Variants in ZDHHC14 observed in about 807,000 individuals in gnomAD.
ZDHHC14 encodes the protein zDHHC palmitoyltransferase 14.
A neutral mutation model predicts 47.7 loss-of-function variants in ZDHHC14; 16 were observed. The ratio of observed to expected loss-of-function variants is 0.34; its 90% CI spans 0.23 to 0.51. ZDHHC14 has a LOEUF of 0.51. Among genes scored for constraint, ZDHHC14 ranks in the 20% least tolerant of loss-of-function variants. The pLI, the probability that ZDHHC14 is intolerant of heterozygous loss-of-function variation, is 0.97. For missense variants in ZDHHC14, 515 were observed against 662.5 expected (o/e 0.78, Z 2.44); for synonymous variants, 293 against 278.9 (o/e 1.05, Z -0.50).
At chr6:157,575,552 G>A (rs973995778) in intron 2 of ZDHHC14, among the ~76,000 whole-genome samples, 7 of 152,026 alleles carry the variant, frequency 4.6e-5, no homozygotes, top group Non-Finnish European at 1.5e-5. Flanking sequence ...CTGGGACCAG[G>A]ACACAAGCTG....
At chr6:157,495,446 T>C (rs1277577021) in intron 1 of ZDHHC14, among the ~76,000 whole-genome samples, 2 of 152,174 alleles carry the variant, frequency 1.3e-5, no homozygotes, top group East Asian at 1.9e-4. Context: ...TCATGTATCA[T>C]GGATGCCTAT....
At chr6:157,593,438 C>A (rs1209356275) in intron 3 of ZDHHC14, among the ~76,000 whole-genome samples, 2 of 152,162 alleles carry the variant, frequency 1.3e-5, no homozygotes, top group African/African-American at 4.8e-5. Flanking sequence ...TCATGTCTCC[C>A]CCAGGCCTCT....
At chr6:157,419,466 C>T (rs1778054018) in intron 1 of ZDHHC14, among the ~76,000 whole-genome samples, 1 of 152,236 alleles carries the variant, frequency 6.6e-6, no homozygotes, top group South Asian at 2.1e-4. Context: ...CATACACCCT[C>T]CCCATCCTCT....
Position 157,512,451 on chromosome 6 carries a change from C to T in ZDHHC14, c.246-30134C>T, listed in dbSNP as rs533504834. Among the ~76,000 whole-genome samples the T allele has an allele frequency of 2.6e-5, 4 of 152,358 alleles. No homozygotes were observed. In the South Asian group the frequency reaches 8.3e-4, roughly 32 times the overall value. ...CCTTCAAAGACAGAGCCACGTTCTG[C>T]ACTGTGTTAAGCATAGTCCGTGGCT... On this transcript the variant is annotated intron_variant, in intron 1 of 8. Transcript: ENST00000359775.
chr6:157,677,814 G>A lies in ZDHHC14; in HGVS notation c.*4692G>A, dbSNP rs1778993973. ...CATGTCCAAGGAGACATGCTTTCTG[G>A]GTTCTATATGAATAGAGATGGTTTT... On this transcript the variant is annotated 3_prime_UTR_variant, in exon 9 of 9. Transcript: ENST00000359775. 1.3e-5 allele frequency: 2 copies of A among 151,034 alleles called. No homozygotes were observed. The highest frequency in any genetic ancestry group is 1.3e-4 in the Admixed American group (2 of 15,152). The allele number at this position is 151,034 out of a possible 1,614,324, so 9.4% of individuals were successfully genotyped here.
intron 3 of ZDHHC14, among the ~76,000 whole-genome samples, chr6:157,618,158 C>T (rs766938467): frequency 3.9e-5 from 6 of 152,176 alleles, no homozygotes; most frequent in Admixed American, 6.5e-5. Context: ...GTAAGGTCAA[C>T]GCTGAGGGGC....
rs181918286 is a variant in ZDHHC14 at position 157,427,395 on chromosome 6, G to A, written c.245+45129G>A. Among the ~76,000 whole-genome samples, 107 of 152,234 alleles carry A rather than the reference G, an allele frequency of 7.0e-4. No individual in the cohort carries two copies. Among genetic ancestry groups the A allele is most frequent in the African/African-American group, 2.6e-3 (106 of 41,544 alleles). ...AGAGATGCGCAGGATGCAGGGCCCC[G>A]AGGACTGGAGGGCATTTATGTTTTG... On this transcript the variant is annotated intron_variant, in intron 1 of 8. Transcript: ENST00000359775. This position sits in a 1 kb window ranked among gnomAD's most constrained non-coding sequence, Gnocchi z 4.4.
At chr6:157,466,893 A>G (rs112717901) in intron 1 of ZDHHC14, among the ~76,000 whole-genome samples, 2,973 of 152,254 alleles carry the variant, frequency 0.02, 101 homozygotes, top group African/African-American at 0.068. Context: ...GTTAAAAAAA[A>G]AAGTAAAACC....
chr6:157,573,961 C>CGGG (rs781429140), intron 2 of ZDHHC14, among the ~76,000 whole-genome samples: 1 of 150,784 alleles, frequency 6.6e-6, no homozygotes, highest in African/African-American at 2.5e-5. Context: ...ACCTCGGGGT[C>CGGG]GGGGGGGAAG....
intron 2 of ZDHHC14, among the ~76,000 whole-genome samples, chr6:157,548,648 G>A (rs1782088101): frequency 6.6e-6 from 1 of 152,196 alleles, no homozygotes; most frequent in African/African-American, 2.4e-5. Flanking sequence ...GTTTCTCTGT[G>A]TTGGTCAGGC....
intron 4 of ZDHHC14, chr6:157,628,750 C>T (rs1785540929): frequency 4.3e-6 from 2 of 462,048 alleles, no homozygotes; most frequent in Non-Finnish European, 7.8e-6. Flanking sequence ...GCGCTTTCAC[C>T]AAACAATACC....
At position 157,610,422 on chromosome 6, in the gene ZDHHC14, A is replaced by C. The variant is rs184459435; in HGVS notation, c.565+17276A>C. Among the ~76,000 whole-genome samples, 26 of 152,106 alleles carry C rather than the reference A, an allele frequency of 1.7e-4. No homozygotes were observed. In the East Asian group the frequency reaches 2.3e-3, roughly 14 times the overall value. On this transcript the variant is annotated intron_variant, in intron 3 of 8. Transcript: ENST00000359775. Reference sequence around the variant, plus strand: ...ACTCCAGCCTGGGTGACAGAGCAAGACTCCGTCTCAAAAAAATAAAAATAA... The same window carrying C: ...ACTCCAGCCTGGGTGACAGAGCAAGCCTCCGTCTCAAAAAAATAAAAATAA...
chr6:157,650,811 G>C (rs1431602275), intron 7 of ZDHHC14, among the ~76,000 whole-genome samples: 2 of 152,254 alleles, frequency 1.3e-5, no homozygotes, highest in Non-Finnish European at 1.5e-5. Context: ...TTTCCCTTGA[G>C]CTCTGCCCCC....
At chr6:157,653,391 G>C (rs1777929182) in intron 7 of ZDHHC14, 134 bp from the exon 8 acceptor site, 4 of 762,834 alleles carry the variant, frequency 5.2e-6, no homozygotes, top group Non-Finnish European at 8.6e-6. Flanking sequence ...AAAGTGAGGA[G>C]AGGCATAGTC....
intron 1 of ZDHHC14, among the ~76,000 whole-genome samples, chr6:157,531,942 G>C (rs1186028448): frequency 1.3e-5 from 2 of 152,286 alleles, no homozygotes; most frequent in Non-Finnish European, 2.9e-5. Context: ...CGTTCTGCGG[G>C]ATGGGCGTGG....
intron 1 of ZDHHC14, among the ~76,000 whole-genome samples, chr6:157,452,261 T>A (rs145735881): frequency 6.7e-6 from 1 of 148,686 alleles, no homozygotes; most frequent in Non-Finnish European, 1.5e-5. Context: ...TTTTTTTTTA[T>A]AACTAGACTC....
At chr6:157,562,496 C>T (rs992242250) in intron 2 of ZDHHC14, among the ~76,000 whole-genome samples, 1 of 152,196 alleles carries the variant, frequency 6.6e-6, no homozygotes, top group Non-Finnish European at 1.5e-5. Context: ...CCATGCGATT[C>T]TCTAGGCAGA....
chr6:157,409,453 T>C lies in ZDHHC14; in HGVS notation c.245+27187T>C, dbSNP rs563359434. 2.0e-5 allele frequency among the ~76,000 whole-genome samples: 3 copies of C among 152,320 alleles called. No individual in the cohort carries two copies. In the East Asian group the frequency reaches 5.8e-4, roughly 29 times the overall value. On this transcript the variant is annotated intron_variant, in intron 1 of 8. Transcript: ENST00000359775. ...CCCTCTGGCTCAACAGTGTAGGTAG[T>C]GTTCTCTTAGGTGACCTTTTCTGGT... is the stretch of plus-strand genomic sequence containing the variant.
rs202182350 is a variant in ZDHHC14, at chr6:157,515,461, T to TC, written c.246-27124_246-27123insC. 3.4e-4 allele frequency among the ~76,000 whole-genome samples: 49 copies of TC among 144,178 alleles called. 2 individuals are homozygous for TC. The highest frequency in any genetic ancestry group is 1.8e-3 in the Admixed American group (26 of 14,616). The allele number at this position is 144,178 out of a possible 152,430, so 94.6% of individuals were successfully genotyped here. ...TTTCTCTTTCTTTTTCTTTTTCTTT[T>TC]TTTTTTTTTTTTTTTTTGGAGACGG... On this transcript the variant is annotated intron_variant, in intron 1 of 8. Coordinates refer to ENST00000359775, the MANE Select transcript of ZDHHC14 (RefSeq NM_024630.3).
Sources: gnomAD v4.1 joint callset for allele counts (sites outside exome capture counted in the v4.1 genomes callset) on GRCh38, gnomAD v4.1.1 for gene constraint, Gnocchi (gnomAD v3.1) non-coding constraint, MANE v1.5 for transcripts, NCBI Gene and HGNC (gene_info 2026-07-23, HGNC 2026-07-21) for gene names.